The following PPP4R1 variants were observed in gnomAD, a reference collection of about 807,000 sequenced individuals.
The protein encoded by PPP4R1 is protein phosphatase 4 regulatory subunit 1, also known as serine/threonine-protein phosphatase 4 regulatory subunit 1.
A neutral mutation model predicts 111.2 loss-of-function variants in PPP4R1; 42 were observed. That is an observed-to-expected ratio of 0.38 (90% CI 0.29 to 0.49). The LOEUF (loss-of-function observed/expected upper bound fraction) is 0.49, where lower values mean the gene tolerates loss of function less well. Among genes scored for constraint, PPP4R1 ranks in the 20% least tolerant of loss-of-function variants. PPP4R1 has a pLI of 0.97. For missense variants in PPP4R1, 1,012 were observed against 1,161.6 expected, an observed-to-expected ratio of 0.87 and a Z score of 1.87; for synonymous variants, 409 against 405.5, an observed-to-expected ratio of 1.01 and a Z score of -0.10.
At chr18:9,581,686 G>A (rs193238312) in intron 9 of PPP4R1, among the ~76,000 whole-genome samples, 8 of 152,186 alleles carry the variant, frequency 5.3e-5, no homozygotes, top group Non-Finnish European at 8.8e-5. Flanking sequence ...CTTTTCAAAC[G>A]TATTGAAAAA....
At chr18:9,553,649 C>T (rs2066523627) in intron 15 of PPP4R1, among the ~76,000 whole-genome samples, 1 of 152,156 alleles carries the variant, frequency 6.6e-6, no homozygotes, top group South Asian at 2.1e-4. Flanking sequence ...GTTCCTTGTG[C>T]CTATCAATGA....
intron 9 of PPP4R1, among the ~76,000 whole-genome samples, chr18:9,578,786 C>A (rs766198890): frequency 5.3e-5 from 8 of 152,096 alleles, no homozygotes; most frequent in Non-Finnish European, 1.2e-4. Context: ...GGGTTTTTCT[C>A]CCCTTCGTAA....
chr18:9,555,958 A>G (rs1168749165), intron 15 of PPP4R1, among the ~76,000 whole-genome samples: 1 of 149,902 alleles, frequency 6.7e-6, no homozygotes, highest in Non-Finnish European at 1.5e-5. Context: ...AACACGGTGA[A>G]ACCCCATCTC....
chr18:9,565,628 GTC>G lies in PPP4R1; in HGVS notation c.1574-2080_1574-2079del, dbSNP rs1437373767. Among the ~76,000 whole-genome samples the G allele has an allele frequency of 9.8e-5, 15 of 152,354 alleles. No homozygotes were observed. In the East Asian group the frequency reaches 2.9e-3, roughly 29 times the overall value. On this transcript the variant is annotated intron_variant, in intron 11 of 19. Coordinates refer to ENST00000400556, the MANE Select transcript of PPP4R1 (RefSeq NM_001042388.3). ...TGCTGATATGCAGAAAGTTTGAGTG[GTC>G]TGGACAGAAATCAAACCAGCCACAA...
intron 11 of PPP4R1, among the ~76,000 whole-genome samples, chr18:9,568,061 C>T (rs1568097701): frequency 1.3e-5 from 2 of 152,182 alleles, no homozygotes; most frequent in South Asian, 2.1e-4. Context: ...CTGGGTCTTA[C>T]TCTCTCACCC....
chr18:9,582,404 C>T lies in PPP4R1; in HGVS notation c.918+713G>A, dbSNP rs914336751. Among the ~76,000 whole-genome samples, 35 of 152,118 alleles carry T rather than the reference C, an allele frequency of 2.3e-4. 1 individual carries two copies. The highest frequency in any genetic ancestry group is 1.5e-3 in the Admixed American group (23 of 15,286). ...ATTATAAAGGAATCCTATGTATAAT[C>T]ATATACCAACAAATTAAGTAACTTA... On this transcript the variant is annotated intron_variant, in intron 9 of 19. Coordinates refer to ENST00000400556, the MANE Select transcript of PPP4R1 (RefSeq NM_001042388.3).
intron 6 of PPP4R1, among the ~76,000 whole-genome samples, chr18:9,586,154 A>G (rs2067113144): frequency 6.6e-6 from 1 of 151,834 alleles, no homozygotes; most frequent in South Asian, 2.1e-4. Flanking sequence ...TTATTAAGAA[A>G]TAATTATTAT....
intron 13 of PPP4R1, 118 bp downstream of exon 13, chr18:9,561,862 C>T (rs1334344723): frequency 4.0e-6 from 3 of 745,152 alleles, no homozygotes; most frequent in Non-Finnish European, 7.0e-6. Context: ...GAAAATATGA[C>T]ACACTAGTCA....
At chr18:9,613,778 A>C (rs548909430) in intron 2 of PPP4R1, 1 of 152,026 alleles carries the variant, frequency 6.6e-6, no homozygotes, top group East Asian at 1.9e-4. Flanking sequence ...GCCCAGGCTG[A>C]CCCCCGGGCG....
intron 11 of PPP4R1, among the ~76,000 whole-genome samples, chr18:9,569,236 GATAAACTTA>G (rs1042268911): frequency 2.0e-5 from 3 of 151,554 alleles, no homozygotes; most frequent in African/African-American, 7.3e-5. Flanking sequence ...ATTGAAGTTG[GATAAACTTA>G]ATAAACTTAA....
intron 12 of PPP4R1, chr18:9,563,033 G>T (rs760542200): frequency 1.3e-5 from 13 of 1,032,384 alleles, no homozygotes; most frequent in Non-Finnish European, 1.5e-5. Context: ...GGTCCGATCA[G>T]AAACAAAGCA....
At chr18:9,568,061 C>G (rs1568097701) in intron 11 of PPP4R1, among the ~76,000 whole-genome samples, 1 of 152,182 alleles carries the variant, frequency 6.6e-6, no homozygotes, top group South Asian at 2.1e-4. Context: ...CTGGGTCTTA[C>G]TCTCTCACCC....
rs752076943 is a variant in PPP4R1, at chr18:9,557,401, A to G, written c.2029-19T>C. 16 of 1,580,014 alleles carry G rather than the reference A, an allele frequency of 1.0e-5. No homozygotes were observed. Among genetic ancestry groups the G allele is most frequent in the East Asian group, 4.5e-5 (2 of 44,074 alleles). On this transcript the variant is annotated intron_variant, in intron 14 of 19. Transcript: ENST00000400556. The stretch of plus-strand genomic sequence containing the variant: ...CTTTCCACTGCAGAAATGAAAACAC[A>G]TTAGTAAGCTAACCACAAAGTACGC...
intron 11 of PPP4R1, among the ~76,000 whole-genome samples, chr18:9,566,546 G>A (rs1412509122): frequency 6.6e-6 from 1 of 151,980 alleles, no homozygotes. Context: ...AGCTACTCGG[G>A]AGGCTGAGGC....
At chr18:9,564,173 A>G (rs1432198932) in intron 11 of PPP4R1, among the ~76,000 whole-genome samples, 1 of 152,216 alleles carries the variant, frequency 6.6e-6, no homozygotes, top group Admixed American at 6.5e-5. Context: ...AGCATTGCCT[A>G]TGTTTTGGGT....
At chr18:9,556,218 G>C (rs571726995) in intron 15 of PPP4R1, among the ~76,000 whole-genome samples, 1 of 150,458 alleles carries the variant, frequency 6.6e-6, no homozygotes, top group Non-Finnish European at 1.5e-5. Flanking sequence ...TTTTGAGATG[G>C]AGTCTTGCTC....
chr18:9,554,955 G>A lies in PPP4R1; in HGVS notation c.2191-1533C>T, dbSNP rs150326429. Among the ~76,000 whole-genome samples, 533 of 152,272 alleles carry A rather than the reference G, an allele frequency of 3.5e-3. 2 individuals are homozygous for A. Among genetic ancestry groups the A allele is most frequent in the Middle Eastern group, 0.01 (3 of 294 alleles). Reference sequence around the variant, plus strand: ...TAATACTAAAATAACTTTCGAAACCGGGGAAGGAGAGAAGGCACAGGTTAT... The same window carrying A: ...TAATACTAAAATAACTTTCGAAACCAGGGAAGGAGAGAAGGCACAGGTTAT... On this transcript the variant is annotated intron_variant, in intron 15 of 19. Coordinates refer to ENST00000400556, the MANE Select transcript of PPP4R1 (RefSeq NM_001042388.3).
intron 2 of PPP4R1, among the ~76,000 whole-genome samples, chr18:9,605,566 C>CAAAAAAAAAAAAA (rs34208690): frequency 5.9e-5 from 4 of 67,636 alleles, no homozygotes; most frequent in Admixed American, 2.0e-4. Flanking sequence ...GCAGTCCTGT[C>CAAAAAAAAAAAAA]AAAAAAAAAA....
chr18:9,576,684 T>TA (rs1230782000), intron 10 of PPP4R1, among the ~76,000 whole-genome samples: 2 of 152,122 alleles, frequency 1.3e-5, no homozygotes, highest in African/African-American at 4.8e-5. Flanking sequence ...AAAACAAATT[T>TA]AAAAAAACCC....
Sources: gnomAD v4.1 joint callset for allele counts (sites outside exome capture counted in the v4.1 genomes callset) on GRCh38, gnomAD v4.1.1 for gene constraint, MANE v1.5 for transcripts, NCBI Gene and HGNC (gene_info 2026-07-23, HGNC 2026-07-21) for gene names.